Variants in HDAC9 observed in about 807,000 individuals in gnomAD.
HDAC9 encodes histone deacetylase 9, also known as MEF-2 interacting transcription repressor (MITR) protein.
HDAC9 carries 41 observed loss-of-function variants against 139.4 expected under a neutral mutation model. The ratio of observed to expected loss-of-function variants is 0.29; its 90% CI spans 0.23 to 0.38. The LOEUF is 0.38. Ranked by LOEUF, HDAC9 falls within the 10% of genes least tolerant of loss-of-function variation. The pLI is 1.00. For missense variants in HDAC9, 1,147 were observed against 1,297.0 expected (o/e 0.88, Z 1.78); for synonymous variants, 517 against 476.2 (o/e 1.09, Z -1.12).
At chr7:18,340,699 T>C (rs1222554199) in intron 1 of HDAC9, among the ~76,000 whole-genome samples, 2 of 77,166 alleles carry the variant, frequency 2.6e-5, no homozygotes, top group African/African-American at 6.4e-5. Context: ...TTACTTTATA[T>C]TAGTTATAAA....
chr7:18,130,083 C>G (rs1215138114), intron 1 of HDAC9, among the ~76,000 whole-genome samples: 2 of 152,086 alleles, frequency 1.3e-5, no homozygotes, highest in African/African-American at 4.8e-5. Flanking sequence ...TGGAGTATCC[C>G]TTATCCAAAA....
rs1171396499 is a variant in HDAC9, at chr7:18,997,452, T to C, written c.*1390T>C. ...TACCTCCTAAAATTCGATTTCAACA[T>C]ATAACTCAAACACCTAAACATATTG... On this transcript the variant is annotated 3_prime_UTR_variant, in exon 26 of 26. Coordinates refer to ENST00000686413, the MANE Select transcript of HDAC9 (RefSeq NM_178425.4). 1.3e-5 allele frequency: 2 copies of C among 152,160 alleles called. No individual in the cohort carries two copies. Among genetic ancestry groups the C allele is most frequent in the Non-Finnish European group, 2.9e-5 (2 of 68,012 alleles). 9.4% of individuals were successfully genotyped at this position (152,160 alleles called of 1,614,324 possible).
chr7:18,643,196 T>C (rs1448077469), intron 8 of HDAC9, among the ~76,000 whole-genome samples: 1 of 152,138 alleles, frequency 6.6e-6, no homozygotes, highest in East Asian at 1.9e-4. Context: ...TGCCTTTTTG[T>C]GTACAGCAAG....
At chr7:18,415,694 A>T (rs1298982215) in intron 1 of HDAC9, among the ~76,000 whole-genome samples, 1 of 152,228 alleles carries the variant, frequency 6.6e-6, no homozygotes, top group Non-Finnish European at 1.5e-5. Context: ...GTTATGATGC[A>T]GTATCAAGGT....
At chr7:18,674,224 T>G (rs1326355694) in intron 12 of HDAC9, among the ~76,000 whole-genome samples, 1 of 152,064 alleles carries the variant, frequency 6.6e-6, no homozygotes, top group East Asian at 1.9e-4. Context: ...TCCATGGTGC[T>G]CTCATTGCAA....
intron 16 of HDAC9, among the ~76,000 whole-genome samples, chr7:18,786,300 A>G (rs1024719403): frequency 9.2e-5 from 14 of 152,134 alleles, no homozygotes; most frequent in African/African-American, 3.4e-4. Flanking sequence ...ATGTATAACT[A>G]GCGCTTTACT....
At chr7:18,507,085 A>C (rs2128173815) in intron 2 of HDAC9, among the ~76,000 whole-genome samples, 1 of 151,876 alleles carries the variant, frequency 6.6e-6, no homozygotes, top group South Asian at 2.1e-4. Flanking sequence ...AAAATGTTAA[A>C]ATGGATGTTA....
At chr7:18,366,142 C>T (rs922616277) in intron 1 of HDAC9, among the ~76,000 whole-genome samples, 1 of 151,994 alleles carries the variant, frequency 6.6e-6, no homozygotes, top group Non-Finnish European at 1.5e-5. Flanking sequence ...TCCTTAATTT[C>T]CGTTGCTTTA....
intron 1 of HDAC9, among the ~76,000 whole-genome samples, chr7:18,294,235 G>A (rs1797999433): frequency 6.6e-6 from 1 of 152,106 alleles, no homozygotes; most frequent in Non-Finnish European, 1.5e-5. Flanking sequence ...GAGAGGGTGT[G>A]TGTGTATGGA....
intron 1 of HDAC9, among the ~76,000 whole-genome samples, chr7:18,392,315 T>A (rs201208635): frequency 0.081 from 9,666 of 119,052 alleles, 698 homozygotes; most frequent in African/African-American, 0.21. Context: ...TCTCTCTCTC[T>A]CACACACACA....
chr7:18,736,608 T>C (rs1786926827), intron 13 of HDAC9, among the ~76,000 whole-genome samples: 1 of 152,214 alleles, frequency 6.6e-6, no homozygotes, highest in South Asian at 2.1e-4. Flanking sequence ...TGGATAAACT[T>C]TTTGATATGC....
chr7:18,278,197 T>C (rs1201476119), intron 2 of HDAC9, among the ~76,000 whole-genome samples: 1 of 152,178 alleles, frequency 6.6e-6, no homozygotes, highest in African/African-American at 2.4e-5. Flanking sequence ...TTGCAGGAAA[T>C]TGGCCTTTTA....
intron 1 of HDAC9, among the ~76,000 whole-genome samples, chr7:18,357,081 T>C (rs1351033611): frequency 6.6e-6 from 1 of 152,168 alleles, no homozygotes; most frequent in Non-Finnish European, 1.5e-5. Flanking sequence ...CATTGAATTT[T>C]AAAAATACCT....
At chr7:18,167,040 T>C (rs956696655) in intron 2 of HDAC9, among the ~76,000 whole-genome samples, 2 of 152,224 alleles carry the variant, frequency 1.3e-5, no homozygotes, top group African/African-American at 2.4e-5. Context: ...TTCAGGCCAC[T>C]GGCCAATTAT....
At chr7:18,979,118 T>TA (rs1406191559) in intron 25 of HDAC9, among the ~76,000 whole-genome samples, 2 of 152,218 alleles carry the variant, frequency 1.3e-5, no homozygotes, top group African/African-American at 4.8e-5. Flanking sequence ...CGTGATGGTT[T>TA]CATGTCATTA....
intron 17 of HDAC9, among the ~76,000 whole-genome samples, chr7:18,817,043 T>G (rs988523773): frequency 6.6e-5 from 10 of 152,012 alleles, no homozygotes; most frequent in East Asian, 1.9e-4. Context: ...TTTTTGTTTT[T>G]TTTTTTTTTG....
In HDAC9 at chr7:18,276,290, G is replaced by A. The variant is rs1185438992; in HGVS notation, c.25+113941G>A. Among the ~76,000 whole-genome samples, 12 of 152,118 alleles carry A rather than the reference G, an allele frequency of 7.9e-5. 1 individual carries two copies. The highest frequency in any genetic ancestry group is 6.5e-4 in the Admixed American group (10 of 15,276). ...GTAGCTCAGAGTAATGAAGGAAAAG[G>A]CAAGAAAGAGCTTTCCCAAGAGCAA... On this transcript the variant is annotated intron_variant, in intron 2 of 12. Transcript: ENST00000417496.
rs1254171240 is a variant in HDAC9, at chr7:18,798,116, C to T, written c.2322+4664C>T. Reference sequence around the variant, plus strand: ...TTTTGAATAATGCTATATGAACACCCTTGAACATGGCTGCTCTTTCACTAG... The same window carrying T: ...TTTTGAATAATGCTATATGAACACCTTTGAACATGGCTGCTCTTTCACTAG... On this transcript the variant is annotated intron_variant, in intron 17 of 25. Transcript: ENST00000686413. Among the ~76,000 whole-genome samples the T allele has an allele frequency of 7.2e-5, 11 of 152,162 alleles. 1 individual carries two copies. Among genetic ancestry groups the T allele is most frequent in the Middle Eastern group, 6.8e-3 (2 of 294 alleles).
At chr7:18,923,548 T>C (rs1197132013) in intron 22 of HDAC9, among the ~76,000 whole-genome samples, 1 of 152,102 alleles carries the variant, frequency 6.6e-6, no homozygotes, top group African/African-American at 2.4e-5. Flanking sequence ...GTCCTCTGCT[T>C]ACCTCACTCT....
Sources: gnomAD v4.1 joint callset for allele counts (sites outside exome capture counted in the v4.1 genomes callset) on GRCh38, gnomAD v4.1.1 for gene constraint, MANE v1.5 for transcripts, NCBI Gene and HGNC (gene_info 2026-07-23, HGNC 2026-07-21) for gene names.